FSTL5: variants seen among roughly 807,000 people sequenced by gnomAD.
FSTL5 encodes the protein follistatin-related protein 5.
In FSTL5, 62 loss-of-function variants were observed where a neutral mutation model predicts 89.1. The observed-to-expected ratio is 0.70, with a 90% CI of 0.57 to 0.86. The LOEUF (loss-of-function observed/expected upper bound fraction) is 0.86. Among genes scored for constraint, FSTL5 ranks in the 40% least tolerant of loss-of-function variants. FSTL5 has a pLI of 0.00. For missense variants in FSTL5, 1,057 were observed against 1,001.6 expected (o/e 1.06, Z -0.75); for synonymous variants, 383 against 346.2 (o/e 1.11, Z -1.18).
intron 1 of FSTL5, among the ~76,000 whole-genome samples, chr4:162,153,777 G>GTA (rs1347011656): frequency 1.4e-5 from 1 of 70,326 alleles, no homozygotes; most frequent in African/African-American, 4.4e-5. Context: ...TATATTATAT[G>GTA]TATACATATA....
chr4:161,909,006 C>T (rs1012671314), intron 4 of FSTL5, among the ~76,000 whole-genome samples: 1 of 152,122 alleles, frequency 6.6e-6, no homozygotes, highest in East Asian at 1.9e-4. Flanking sequence ...TGAAATTCAA[C>T]AATAGGCCTA....
chr4:161,872,132 T>TTTTG lies in FSTL5; in HGVS notation c.409+48271_409+48272insCAAA, dbSNP rs1165198335. Among the ~76,000 whole-genome samples, 44 of 46,946 alleles carry TTTTG rather than the reference T, an allele frequency of 9.4e-4. 1 individual carries two copies. The highest frequency in any genetic ancestry group is 8.7e-4 in the Non-Finnish European group (14 of 16,112). The allele number at this position is 46,946 out of a possible 152,430, so 30.8% of individuals were successfully genotyped here. A position where few individuals can be genotyped will look rare whatever the true frequency, so the allele number is the denominator to read the frequency against. ...TCTGGCTAGGCTTTGTAGTTTGTTTTTTTTTTTGGTTTTTTTTTTTTTTTT... is the reference window on the plus strand; with the variant it reads ...TCTGGCTAGGCTTTGTAGTTTGTTTTTTTGTTTTTTTGGTTTTTTTTTTTTTTTT... On this transcript the variant is annotated intron_variant, in intron 4 of 15. Transcript: ENST00000306100.
At chr4:161,791,217 A>T (rs372398536) in intron 4 of FSTL5, among the ~76,000 whole-genome samples, 10 of 148,906 alleles carry the variant, frequency 6.7e-5, no homozygotes, top group Non-Finnish European at 1.3e-4. Context: ...AAAAAAAAAA[A>T]TGGGAAGTGA....
intron 6 of FSTL5, among the ~76,000 whole-genome samples, chr4:161,728,911 T>G (rs1739510313): frequency 6.6e-6 from 1 of 152,158 alleles, no homozygotes; most frequent in Non-Finnish European, 1.5e-5. Flanking sequence ...GCAGTTAACG[T>G]TGCCACTGCT....
At chr4:162,043,371 C>T (rs1738045788) in intron 2 of FSTL5, 1 of 152,114 alleles carries the variant, frequency 6.6e-6, no homozygotes, top group Admixed American at 6.6e-5. Flanking sequence ...ATACTATAGT[C>T]TATTAAGTGT....
intron 5 of FSTL5, among the ~76,000 whole-genome samples, chr4:161,767,212 T>C (rs1397362202): frequency 1.3e-5 from 2 of 152,168 alleles, no homozygotes; most frequent in Non-Finnish European, 1.5e-5. Context: ...ATACCTTAGG[T>C]TATTTCATTC....
intron 5 of FSTL5, among the ~76,000 whole-genome samples, chr4:161,772,873 A>ATC (rs1741258271): frequency 6.6e-6 from 1 of 152,126 alleles, no homozygotes; most frequent in Non-Finnish European, 1.5e-5. Flanking sequence ...ACCAAAAAAG[A>ATC]GCCTGCATAG....
intron 4 of FSTL5, among the ~76,000 whole-genome samples, chr4:161,842,743 AAGT>A (rs1285128040): frequency 3.9e-5 from 6 of 152,266 alleles, no homozygotes; most frequent in Admixed American, 3.9e-4. Flanking sequence ...TGTAAGCAAT[AAGT>A]AGTCATTTTA....
chr4:161,580,241 C>A (rs1173215498), intron 8 of FSTL5, among the ~76,000 whole-genome samples: 1 of 152,118 alleles, frequency 6.6e-6, no homozygotes, highest in East Asian at 1.9e-4. Flanking sequence ...AATTTTGAGG[C>A]TTTGAAGTTA....
intron 4 of FSTL5, among the ~76,000 whole-genome samples, chr4:161,888,943 A>G (rs565145750): frequency 1.3e-5 from 2 of 152,266 alleles, no homozygotes; most frequent in South Asian, 4.1e-4. Context: ...GCATTTCACA[A>G]AACATGGCAG....
At chr4:162,051,966 G>T (rs1040013275) in intron 2 of FSTL5, among the ~76,000 whole-genome samples, 1 of 151,270 alleles carries the variant, frequency 6.6e-6, no homozygotes, top group African/African-American at 2.4e-5. Flanking sequence ...GGAAGAAAAA[G>T]AAATAAAAAA....
At chr4:161,656,850 C>T (rs963204727) in intron 6 of FSTL5, among the ~76,000 whole-genome samples, 5 of 151,926 alleles carry the variant, frequency 3.3e-5, no homozygotes, top group Non-Finnish European at 5.9e-5. Context: ...TGTTTATTCA[C>T]TGATAGATTT....
chr4:161,830,366 G>A (rs1165550510), intron 4 of FSTL5, among the ~76,000 whole-genome samples: 4 of 152,116 alleles, frequency 2.6e-5, no homozygotes, highest in Middle Eastern at 3.4e-3. Flanking sequence ...GTAAACATAC[G>A]TATAATTGGA....
intron 4 of FSTL5, among the ~76,000 whole-genome samples, chr4:161,882,164 C>A (rs1336951890): frequency 1.3e-5 from 2 of 151,954 alleles, no homozygotes; most frequent in African/African-American, 4.8e-5. Context: ...TTTTTTATTT[C>A]CTCTTTCCTC....
intron 4 of FSTL5, among the ~76,000 whole-genome samples, chr4:161,815,181 T>G (rs1730285116): frequency 6.6e-6 from 1 of 152,038 alleles, no homozygotes; most frequent in African/African-American, 2.4e-5. Context: ...TTTTTAAATT[T>G]AAATTCAAAT....
chr4:161,563,976 C>T (rs957926490), intron 8 of FSTL5, among the ~76,000 whole-genome samples: 8 of 151,602 alleles, frequency 5.3e-5, no homozygotes, highest in Admixed American at 6.6e-5. Flanking sequence ...AATGCTTATG[C>T]GTTAAAATAT....
chr4:161,547,795 G>A (rs1015989357), intron 8 of FSTL5, among the ~76,000 whole-genome samples: 1 of 151,802 alleles, frequency 6.6e-6, no homozygotes, highest in South Asian at 2.1e-4. Context: ...ATGGCATAGA[G>A]TAAATTAAAA....
chr4:162,039,213 T>C (rs918396547), intron 2 of FSTL5, among the ~76,000 whole-genome samples: 2 of 151,796 alleles, frequency 1.3e-5, no homozygotes, highest in Admixed American at 1.3e-4. Context: ...ATAACTTGCT[T>C]ATATAAAAAA....
intron 6 of FSTL5, among the ~76,000 whole-genome samples, chr4:161,740,860 G>A (rs971873952): frequency 1.3e-5 from 2 of 152,152 alleles, no homozygotes; most frequent in African/African-American, 2.4e-5. Flanking sequence ...CCAAAGCTCT[G>A]GAGGCTGCAA....
Sources: gnomAD v4.1 joint callset for allele counts (sites outside exome capture counted in the v4.1 genomes callset) on GRCh38, gnomAD v4.1.1 for gene constraint, MANE v1.5 for transcripts, NCBI Gene and HGNC (gene_info 2026-07-23, HGNC 2026-07-21) for gene names.